SPIN1: variants seen among roughly 807,000 people sequenced by gnomAD.
SPIN1 encodes the protein spindlin 1.
A neutral mutation model predicts 26.0 loss-of-function variants in SPIN1; 3 were observed. The ratio of observed to expected loss-of-function variants is 0.12; its 90% CI spans 0.05 to 0.30. SPIN1 has a LOEUF of 0.30. Among genes scored for constraint, SPIN1 ranks in the 10% least tolerant of loss-of-function variants. The pLI is 1.00. For synonymous variants in SPIN1, 101 were observed against 116.5 expected, an observed-to-expected ratio of 0.87 and a Z score of 0.86; for missense variants, 126 against 333.4, an observed-to-expected ratio of 0.38 and a Z score of 4.84.
chr9:88,434,478 TAAAG>T (rs578195760), intron 2 of SPIN1, among the ~76,000 whole-genome samples: 301 of 152,180 alleles, frequency 2.0e-3, no homozygotes, highest in African/African-American at 7.1e-3. Flanking sequence ...AGCTATATAT[TAAAG>T]AAACTTCTGT....
chr9:88,424,646 A>G (rs1043049879), intron 1 of SPIN1, among the ~76,000 whole-genome samples: 1 of 152,230 alleles, frequency 6.6e-6, no homozygotes, highest in African/African-American at 2.4e-5. Flanking sequence ...TGGGAGTGTC[A>G]GTGTAAGAAA....
At chr9:88,474,988 A>G in intron 5 of SPIN1, 90 bp from the exon 6 acceptor site, 1 of 1,289,636 alleles carries the variant, frequency 7.8e-7, no homozygotes, top group Non-Finnish European at 1.0e-6. Flanking sequence ...TAAGTTATGA[A>G]AATAAATATG....
chr9:88,462,622 T>C lies in SPIN1; in HGVS notation c.228T>C (p.Val76=). Residue 76 remains valine, a synonymous_variant, in exon 4 of 6, where the codon GTT becomes GTC. Transcript: ENST00000375859. ...NGPVTQWKGT[V]LDQVPVNPSL... ...CTGTTACCCAGTGGAAAGGAACCGTTCTGGACCAGGTGCCTGTAAATCCTT... is the reference window on the plus strand; with the variant it reads ...CTGTTACCCAGTGGAAAGGAACCGTCCTGGACCAGGTGCCTGTAAATCCTT... 1 of 1,614,146 alleles carries C rather than the reference T, an allele frequency of 6.2e-7. No homozygotes were observed. Among genetic ancestry groups the C allele is most frequent in the South Asian group, 1.1e-5 (1 of 91,074 alleles).
rs80211465 is a variant in SPIN1, at chr9:88,392,294, T to G, written c.-159+3756T>G. On this transcript the variant is annotated intron_variant, in intron 1 of 5. Transcript: ENST00000375859. ...GGGAGCCTGTTCATGACCTTAAAAT[T>G]GCCGTAAACCCTTTATAGAACAAGT... 2.0e-3 allele frequency among the ~76,000 whole-genome samples: 307 copies of G among 152,326 alleles called. 1 individual carries two copies. The highest frequency in any genetic ancestry group is 7.0e-3 in the African/African-American group (291 of 41,570).
intron 1 of SPIN1, chr9:88,410,914 C>T: frequency 9.5e-7 from 1 of 1,055,404 alleles, no homozygotes; most frequent in Non-Finnish European, 1.5e-6. Context: ...CCATCTCTTG[C>T]TTTGACAGGG....
Position 88,439,426 on chromosome 9 carries a change from T to C in SPIN1, c.53-9515T>C, listed in dbSNP as rs564223725. Among the ~76,000 whole-genome samples, 3 of 152,296 alleles carry C rather than the reference T, an allele frequency of 2.0e-5. No homozygotes were observed. In the South Asian group the frequency reaches 6.2e-4, roughly 32 times the overall value. On this transcript the variant is annotated intron_variant, in intron 2 of 5. Coordinates refer to ENST00000375859, the MANE Select transcript of SPIN1 (RefSeq NM_006717.3). Reference sequence around the variant, plus strand: ...TCATGCACAAAATTATTTAAAATATTACATAAAATTACTTTCAGGGGGTAT... The same window carrying C: ...TCATGCACAAAATTATTTAAAATATCACATAAAATTACTTTCAGGGGGTAT...
At chr9:88,400,671 C>T (rs942876923) in intron 1 of SPIN1, among the ~76,000 whole-genome samples, 2 of 152,152 alleles carry the variant, frequency 1.3e-5, no homozygotes, top group African/African-American at 4.8e-5. Context: ...CATGGCGATA[C>T]CTCATCTCTA....
intron 2 of SPIN1, among the ~76,000 whole-genome samples, chr9:88,447,267 T>A (rs1828270731): frequency 6.6e-6 from 1 of 152,242 alleles, no homozygotes; most frequent in Non-Finnish European, 1.5e-5. Context: ...TAAGTGTTTT[T>A]ATTTTCCTTT....
intron 2 of SPIN1, among the ~76,000 whole-genome samples, chr9:88,427,950 T>G (rs1054279115): frequency 2.6e-5 from 4 of 152,186 alleles, no homozygotes; most frequent in African/African-American, 9.7e-5. Context: ...AAATGAGATG[T>G]GAGTCAAATG....
chr9:88,451,321 G>T (rs1403471038), intron 3 of SPIN1, among the ~76,000 whole-genome samples: 1 of 152,156 alleles, frequency 6.6e-6, no homozygotes, highest in Admixed American at 6.5e-5. Context: ...CACTGAGTGA[G>T]CAATAGCACC....
At chr9:88,473,576 C>T (rs1233085269) in intron 5 of SPIN1, among the ~76,000 whole-genome samples, 2 of 151,966 alleles carry the variant, frequency 1.3e-5, no homozygotes, top group Non-Finnish European at 2.9e-5. Context: ...AATGCAAGGG[C>T]GTCTGCAATT....
At chr9:88,474,072 T>G (rs997178953) in intron 5 of SPIN1, among the ~76,000 whole-genome samples, 20 of 152,152 alleles carry the variant, frequency 1.3e-4, no homozygotes, top group African/African-American at 4.8e-4. Context: ...TATTAATACA[T>G]GTACATTATA....
At chr9:88,474,152 G>C (rs1469467906) in intron 5 of SPIN1, among the ~76,000 whole-genome samples, 1 of 152,234 alleles carries the variant, frequency 6.6e-6, no homozygotes, top group Non-Finnish European at 1.5e-5. Context: ...AACATGGACT[G>C]TCTTATGTAG....
chr9:88,476,593 G>GC lies in SPIN1; in HGVS notation c.*1318dup, dbSNP rs2118249208. The GC allele has an allele frequency of 6.6e-6, 1 of 152,340 alleles. No individual in the cohort carries two copies. Among genetic ancestry groups the GC allele is most frequent in the East Asian group, 1.9e-4 (1 of 5,186 alleles). The allele number at this position is 152,340 out of a possible 1,614,324, so 9.4% of individuals were successfully genotyped here. On this transcript the variant is annotated 3_prime_UTR_variant, in exon 6 of 6. Coordinates refer to ENST00000375859, the MANE Select transcript of SPIN1 (RefSeq NM_006717.3). ...GTGAAGCGTTACCATAGAAGAGCCA[G>GC]CCGTTTGTGTTCGCTTGGTAGGTGT...
intron 5 of SPIN1, among the ~76,000 whole-genome samples, chr9:88,472,026 T>TG (rs1173754775): frequency 6.6e-6 from 1 of 152,128 alleles, no homozygotes; most frequent in Non-Finnish European, 1.5e-5. Context: ...CTCAAACTCC[T>TG]GGGGTGAAGT....
At chr9:88,456,382 C>T (rs911747348) in intron 3 of SPIN1, among the ~76,000 whole-genome samples, 2 of 152,166 alleles carry the variant, frequency 1.3e-5, no homozygotes, top group African/African-American at 2.4e-5. Flanking sequence ...CAAGACTCCA[C>T]TGAGGAACTC....
chr9:88,402,857 C>T (rs996018503), intron 1 of SPIN1, among the ~76,000 whole-genome samples: 1 of 152,192 alleles, frequency 6.6e-6, no homozygotes, highest in South Asian at 2.1e-4. Context: ...TGTAGTAGTT[C>T]TATTTTTAGT....
intron 2 of SPIN1, among the ~76,000 whole-genome samples, chr9:88,434,508 C>T (rs113826913): frequency 6.6e-6 from 1 of 151,670 alleles, no homozygotes; most frequent in Non-Finnish European, 1.5e-5. Flanking sequence ...ACTGGAAAGT[C>T]AGTGATGGGT....
intron 1 of SPIN1, among the ~76,000 whole-genome samples, chr9:88,394,108 C>CA (rs1826998961): frequency 6.6e-6 from 1 of 152,342 alleles, no homozygotes; most frequent in African/African-American, 2.4e-5. Context: ...CTCAGCCTCC[C>CA]AAAGTGCTGG....
Sources: gnomAD v4.1 joint callset for allele counts (sites outside exome capture counted in the v4.1 genomes callset) on GRCh38, gnomAD v4.1.1 for gene constraint, MANE v1.5 for transcripts, NCBI Gene and HGNC (gene_info 2026-07-23, HGNC 2026-07-21) for gene names.